ANKRD11: variants seen among roughly 807,000 people sequenced by gnomAD.
ANKRD11 encodes ankyrin repeat domain 11.
In ANKRD11, 17 loss-of-function variants were observed where a neutral mutation model predicts 195.7. The ratio of observed to expected loss-of-function variants is 0.09; its 90% CI spans 0.06 to 0.13. The LOEUF is 0.13. Among genes scored for constraint, ANKRD11 ranks in the 10% least tolerant of loss-of-function variants. The probability of loss-of-function intolerance (pLI) is 1.00; values close to 1 mark genes in which losing one functional copy is unlikely to be tolerated. For synonymous variants in ANKRD11, 1,953 were observed against 1,528.1 expected (o/e 1.28, Z -6.49); for missense variants, 3,735 against 3,566.1 (o/e 1.05, Z -1.21).
chr16:89,280,108 G>C lies in ANKRD11; in HGVS notation c.6434C>G (p.Thr2145Ser). 6.2e-7 allele frequency: 1 copy of C among 1,612,960 alleles called. No individual in the cohort carries two copies. ...CGCTTCACCATCTGCGGCATCTTTA[G>C]TCTGCAGGGGAAGCTCCGGCAGGGA... ...PFSLPELPLQ[T>S]KDAADGEAEP... The change falls in exon 9 of 13, where the codon ACT becomes AGT. Residue 2145 changes from threonine (T) to serine (S), a missense_variant. Transcript: ENST00000301030.
intron 1 of ANKRD11, among the ~76,000 whole-genome samples, chr16:89,461,248 G>A (rs2056657317): frequency 6.7e-6 from 1 of 150,064 alleles, no homozygotes; most frequent in African/African-American, 2.5e-5. Flanking sequence ...CAGATTGGTG[G>A]TCAGGGGTTA....
chr16:89,439,678 C>T (rs140653216), intron 1 of ANKRD11, among the ~76,000 whole-genome samples: 248 of 152,326 alleles, frequency 1.6e-3, no homozygotes, highest in Non-Finnish European at 3.1e-3. Flanking sequence ...ACACCACTCA[C>T]ACACAACACC....
chr16:89,405,271 G>A lies in ANKRD11; in HGVS notation c.-60+13013C>T, dbSNP rs118042461. Among the ~76,000 whole-genome samples the A allele has an allele frequency of 3.9e-3, 599 of 152,276 alleles. 2 individuals carry two copies. Among genetic ancestry groups the A allele is most frequent in the Non-Finnish European group, 5.2e-3 (354 of 68,020 alleles). ...CTGTTGTGGAACAAAATGCCGTTAC[G>A]TGGGGCATGACTGTATTCTGTAGGG... On this transcript the variant is annotated intron_variant, in intron 2 of 12. Coordinates refer to ENST00000301030, the MANE Select transcript of ANKRD11 (RefSeq NM_013275.6).
intron 4 of ANKRD11, among the ~76,000 whole-genome samples, chr16:89,295,858 CTG>C (rs960005779): frequency 1.8e-4 from 5 of 27,664 alleles, no homozygotes; most frequent in African/African-American, 7.0e-4. Flanking sequence ...TTGGGGTGCT[CTG>C]TGCAGGTGGG....
At chr16:89,313,596 A>G in intron 3 of ANKRD11, 1 of 1,289,042 alleles carries the variant, frequency 7.8e-7, no homozygotes, top group Non-Finnish European at 1.0e-6. Context: ...AAATCTAAAA[A>G]TATATTGTTT....
intron 1 of ANKRD11, among the ~76,000 whole-genome samples, chr16:89,478,100 C>T (rs1297632929): frequency 6.6e-6 from 1 of 152,154 alleles, no homozygotes; most frequent in African/African-American, 2.4e-5. Context: ...GAGAGGAGCG[C>T]TTAATAAACT....
chr16:89,324,869 C>T (rs1241877169), intron 2 of ANKRD11: 1 of 264,542 alleles, frequency 3.8e-6, no homozygotes, highest in Admixed American at 5.2e-5. Flanking sequence ...GGGACTTCAC[C>T]TCATGACTGT....
chr16:89,398,656 G>T (rs899521406), intron 2 of ANKRD11, among the ~76,000 whole-genome samples: 69 of 152,152 alleles, frequency 4.5e-4, no homozygotes, highest in African/African-American at 1.6e-3. Context: ...GCAGGAGGAA[G>T]GTTTGAGCCC....
intron 1 of ANKRD11, among the ~76,000 whole-genome samples, chr16:89,433,817 C>T (rs761983183): frequency 5.3e-5 from 8 of 152,346 alleles, no homozygotes; most frequent in Non-Finnish European, 7.3e-5. Context: ...GGACTGGGCA[C>T]GCCACCTTCT....
Position 89,467,915 on chromosome 16 carries a change from C to T in ANKRD11, c.-145+22330G>A, listed in dbSNP as rs183991894. On this transcript the variant is annotated intron_variant, in intron 1 of 12. Transcript: ENST00000301030. ...TCCCGGGTTCAAGTGTTTCTCTTGCCTCAGCCTCCCGAGTAGCTGGGACTA... is the reference window on the plus strand; with the variant it reads ...TCCCGGGTTCAAGTGTTTCTCTTGCTTCAGCCTCCCGAGTAGCTGGGACTA... Among the ~76,000 whole-genome samples the T allele has an allele frequency of 7.0e-3, 1,059 of 152,222 alleles. 12 individuals are homozygous for T. The highest frequency in any genetic ancestry group is 0.024 in the South Asian group (116 of 4,816).
intron 1 of ANKRD11, among the ~76,000 whole-genome samples, chr16:89,434,988 C>G (rs2043152290): frequency 6.6e-6 from 1 of 152,180 alleles, no homozygotes; most frequent in African/African-American, 2.4e-5. Flanking sequence ...GAGCCCAAGA[C>G]CAACTGATAC....
chr16:89,385,500 G>A (rs1352606316), intron 2 of ANKRD11, among the ~76,000 whole-genome samples: 4 of 152,016 alleles, frequency 2.6e-5, no homozygotes, highest in East Asian at 1.9e-4. Context: ...AGGGAAGGGC[G>A]CCAGAGACAC....
At chr16:89,270,455 CTGCCCACCGCCCT>C in intron 12 of ANKRD11, 1 of 378,468 alleles carries the variant, frequency 2.6e-6, no homozygotes, top group East Asian at 6.3e-5. Flanking sequence ...TCCCCCGCCC[CTGCCCACCGCCCT>C]GGCCAGCACT....
At chr16:89,322,976 TG>T (rs2037426510) in intron 2 of ANKRD11, 1 of 263,324 alleles carries the variant, frequency 3.8e-6, no homozygotes, top group South Asian at 3.5e-5. Context: ...CCCAAGTAGC[TG>T]GGAGTACAGG....
Position 89,274,678 on chromosome 16 carries a change from A to G in ANKRD11, c.7713+136T>C, listed in dbSNP as rs1055442205. On this transcript the variant is annotated intron_variant, in intron 11 of 12. Transcript: ENST00000301030. ...GCTCGCCCAAGGCTAGAGGCATGCA[A>G]AGGACTCTGTAGCCCCTGCAAGGTG... The G allele has an allele frequency of 6.8e-6, 9 of 1,319,162 alleles. No homozygotes were observed. In the Admixed American group the frequency reaches 1.2e-4, roughly 17 times the overall value. 81.7% of individuals were successfully genotyped at this position (1,319,162 alleles called of 1,614,324 possible). A position where few individuals can be genotyped will look rare whatever the true frequency, so the allele number is the denominator to read the frequency against.
intron 9 of ANKRD11, chr16:89,278,437 T>G (rs2033846656): frequency 4.6e-6 from 2 of 436,286 alleles, no homozygotes; most frequent in South Asian, 1.6e-5. Context: ...GGCCCAGACG[T>G]AGCGCAAGGA....
intron 9 of ANKRD11, chr16:89,278,179 G>A: frequency 3.3e-6 from 1 of 300,846 alleles, no homozygotes; most frequent in Non-Finnish European, 6.5e-6. Context: ...GGGGCTGGAT[G>A]GACCCTGGGG....
At chr16:89,401,190 T>C (rs1334882002) in intron 2 of ANKRD11, among the ~76,000 whole-genome samples, 1 of 142,872 alleles carries the variant, frequency 7.0e-6, no homozygotes, top group East Asian at 2.2e-4. Context: ...GCCTCCCAAG[T>C]TCAAGCAATT....
In ANKRD11 at chr16:89,381,331, C is replaced by CAAAAA. The variant is rs10567322; in HGVS notation, c.-60+36948_-60+36952dup. On this transcript the variant is annotated intron_variant, in intron 2 of 12. Transcript: ENST00000301030. ...TGGGCTACAGAGCGAGACTCTGCTG[C>CAAAAA]AAAAAAAAAAAAAAAAAAAAAAAGG... Among the ~76,000 whole-genome samples the CAAAAA allele has an allele frequency of 3.2e-3, 247 of 76,364 alleles. 2 individuals are homozygous for CAAAAA. The highest frequency in any genetic ancestry group is 0.014 in the African/African-American group (239 of 17,418). 50.1% of individuals were successfully genotyped at this position (76,364 alleles called of 152,430 possible). A position where few individuals can be genotyped will look rare whatever the true frequency, so the allele number is the denominator to read the frequency against.
Sources: gnomAD v4.1 joint callset for allele counts (sites outside exome capture counted in the v4.1 genomes callset) on GRCh38, gnomAD v4.1.1 for gene constraint, MANE v1.5 for transcripts, NCBI Gene and HGNC (gene_info 2026-07-23, HGNC 2026-07-21) for gene names.